The following PRPF39 variants were observed in gnomAD, a reference collection of about 807,000 sequenced individuals.
The protein encoded by PRPF39 is pre-mRNA processing factor 39.
In PRPF39, 27 loss-of-function variants were observed where a neutral mutation model predicts 82.1. The ratio of observed to expected loss-of-function variants is 0.33; its 90% CI spans 0.24 to 0.45. PRPF39 has a LOEUF of 0.45. Among genes scored for constraint, PRPF39 ranks in the 20% least tolerant of loss-of-function variants. The pLI is 1.00. For synonymous variants in PRPF39, 261 were observed against 256.4 expected, an observed-to-expected ratio of 1.02 and a Z score of -0.17; for missense variants, 581 against 796.9, an observed-to-expected ratio of 0.73 and a Z score of 3.26.
intron 5 of PRPF39, 118 bp from the exon 6 acceptor site, chr14:45,107,333 T>C: frequency 2.8e-6 from 2 of 714,404 alleles, no homozygotes; most frequent in Non-Finnish European, 4.4e-6. Context: ...AGAAAAGGTA[T>C]GATATTTTGG....
intron 1 of PRPF39, among the ~76,000 whole-genome samples, chr14:45,093,291 T>G (rs955164773): frequency 2.0e-5 from 3 of 150,828 alleles, no homozygotes; most frequent in East Asian, 2.0e-4. Flanking sequence ...GGCACGATCT[T>G]GGCTCACTGC....
intron 1 of PRPF39, among the ~76,000 whole-genome samples, chr14:45,091,220 C>T (rs186544171): frequency 6.6e-6 from 1 of 152,242 alleles, no homozygotes; most frequent in African/African-American, 2.4e-5. Context: ...TTCACTGCAG[C>T]CTTGAACTAC....
chr14:45,112,562 G>T, intron 11 of PRPF39, 60 bp downstream of exon 11: 1 of 1,372,004 alleles, frequency 7.3e-7, no homozygotes, highest in South Asian at 1.8e-5. Context: ...TTTTTGTATG[G>T]GGATTTGATG....
At chr14:45,096,559 A>C in intron 3 of PRPF39, 1 of 1,433,750 alleles carries the variant, frequency 7.0e-7, no homozygotes, top group Non-Finnish European at 9.3e-7. Flanking sequence ...TTGGTTTGCT[A>C]GTCACATTTG....
At chr14:45,087,568 T>TG (rs1566688757) in intron 1 of PRPF39, among the ~76,000 whole-genome samples, 2 of 149,840 alleles carry the variant, frequency 1.3e-5, no homozygotes, top group East Asian at 1.9e-4. Context: ...GACTGTTTTT[T>TG]TTTTGTTTTG....
chr14:45,087,841 C>T lies in PRPF39; in HGVS notation c.-20+3592C>T, dbSNP rs191745958. On this transcript the variant is annotated intron_variant, in intron 1 of 13. Transcript: ENST00000355765. ...TGACCTCATGATCCGCCCGCCTCAG[C>T]CTCCCAAAGTGCTGGGATTACAGGC... Among the ~76,000 whole-genome samples the T allele has an allele frequency of 2.9e-3, 445 of 150,940 alleles. 3 individuals carry two copies. Among genetic ancestry groups the T allele is most frequent in the Non-Finnish European group, 4.6e-3 (314 of 67,634 alleles).
intron 11 of PRPF39, 131 bp downstream of exon 11, chr14:45,112,633 A>G: frequency 1.1e-6 from 1 of 928,658 alleles, no homozygotes; most frequent in South Asian, 3.3e-5. Context: ...CTTTTTCCTC[A>G]GATATATATG....
Position 45,116,273 on chromosome 14 carries a change from C to T in PRPF39, c.*1360C>T. The T allele has an allele frequency of 4.4e-6, 7 of 1,606,006 alleles. No individual in the cohort carries two copies. The highest frequency in any genetic ancestry group is 6.0e-6 in the Non-Finnish European group (7 of 1,173,022). The stretch of plus-strand genomic sequence containing the variant: ...GAATTCTGTTGAAGAAGTCAAGGTA[C>T]ATTTGATAAAAAGTGCCTCTCCCCT... On this transcript the variant is annotated 3_prime_UTR_variant, in exon 14 of 14. Transcript: ENST00000355765.
intron 4 of PRPF39, among the ~76,000 whole-genome samples, chr14:45,098,464 AG>A: frequency 1.5e-5 from 2 of 137,410 alleles, no homozygotes; most frequent in East Asian, 2.5e-4. Context: ...AAAAAAAAAG[AG>A]AGAGAGATCA....
At position 45,110,413 on chromosome 14, in the gene PRPF39, A is replaced by C. The variant is rs1378603229; in HGVS notation, c.1304-136A>C. 1.7e-6 allele frequency: 2 copies of C among 1,201,128 alleles called. No individual in the cohort carries two copies. Among genetic ancestry groups the C allele is most frequent in the Admixed American group, 5.1e-5 (2 of 39,022 alleles). 74.4% of individuals were successfully genotyped at this position (1,201,128 alleles called of 1,614,324 possible). A position where few individuals can be genotyped will look rare whatever the true frequency, so the allele number is the denominator to read the frequency against. ...TTGTAGCCCCGAAACAGCCATAGGC[A>C]GTGTGTAAATATGCATGGCTGTTTC... On this transcript the variant is annotated intron_variant, in intron 9 of 13. Transcript: ENST00000355765. The surrounding 1 kb of genome is among the most constrained non-coding windows in gnomAD (Gnocchi z 4.0).
intron 13 of PRPF39, 111 bp downstream of exon 13, chr14:45,114,725 G>T: frequency 1.4e-6 from 2 of 1,404,586 alleles, no homozygotes; most frequent in Non-Finnish European, 1.9e-6. Context: ...TACATTCTTT[G>T]GTGGTTAAGT....
At chr14:45,107,328 AG>A in intron 5 of PRPF39, 122 bp from the exon 6 acceptor site, 1 of 686,886 alleles carries the variant, frequency 1.5e-6, no homozygotes, top group East Asian at 2.9e-5. Context: ...GAAGGAGAAA[AG>A]GTATGATATT....
chr14:45,085,373 G>A, intron 1 of PRPF39, among the ~76,000 whole-genome samples: 1 of 152,288 alleles, frequency 6.6e-6, no homozygotes, highest in South Asian at 2.1e-4. Context: ...GGTGGTATGA[G>A]ACACTATTTG....
chr14:45,110,654 A>G lies in PRPF39; in HGVS notation c.1409A>G (p.Asn470Ser), dbSNP rs1364676839. ...GTAAGTTTAGAACGACGGCATGGAA[A>G]TCTGGAAGAAGCTGAACATTTGCTT... Reference protein sequence around the residue: ...RRVSLERRHGNLEEAEHLLQD... With the variant: ...RRVSLERRHGSLEEAEHLLQD... Residue 470 changes from asparagine to serine, a missense_variant, in exon 10 of 14, where the codon AAT becomes AGT. Transcript: ENST00000355765. The surrounding 1 kb of genome is among the most constrained non-coding windows in gnomAD (Gnocchi z 4.0). 6.3e-7 allele frequency: 1 copy of G among 1,576,734 alleles called. No individual in the cohort carries two copies. The highest frequency in any genetic ancestry group is 8.6e-7 in the Non-Finnish European group (1 of 1,159,702).
chr14:45,084,649 C>A (rs1462280214), intron 1 of PRPF39, among the ~76,000 whole-genome samples: 1 of 152,114 alleles, frequency 6.6e-6, no homozygotes, highest in Non-Finnish European at 1.5e-5. Context: ...AATATACGTT[C>A]TATTACTAAG....
chr14:45,109,472 A>G (rs1884638200), intron 7 of PRPF39, 144 bp from the exon 8 acceptor site: 1 of 676,848 alleles, frequency 1.5e-6, no homozygotes. Flanking sequence ...TTAAGGGTTA[A>G]TTTTAAAAGT....
rs935262427 is a variant in PRPF39, at chr14:45,110,932, A to G, written c.1572+115A>G. ...TCTGTATGTAATAGATTTTATTACTAAATGAGGACAACAGTCCCTCTAAAC... is the reference window on the plus strand; with the variant it reads ...TCTGTATGTAATAGATTTTATTACTGAATGAGGACAACAGTCCCTCTAAAC... On this transcript the variant is annotated intron_variant, in intron 10 of 13. Coordinates refer to ENST00000355765, the MANE Select transcript of PRPF39 (RefSeq NM_017922.4). This position sits in a 1 kb window ranked among gnomAD's most constrained non-coding sequence, Gnocchi z 4.0. 6.4e-5 allele frequency: 66 copies of G among 1,026,344 alleles called. No homozygotes were observed. The highest frequency in any genetic ancestry group is 7.8e-5 in the Non-Finnish European group (56 of 721,716). 63.6% of individuals were successfully genotyped at this position (1,026,344 alleles called of 1,614,324 possible). A position where few individuals can be genotyped will look rare whatever the true frequency, so the allele number is the denominator to read the frequency against.
rs114454225 is a variant in PRPF39 at position 45,089,330 on chromosome 14, C to T, written c.-20+5081C>T. The stretch of plus-strand genomic sequence containing the variant: ...TTTTGCACGTGGATATCCAGTTTTC[C>T]AAGCACCATTTGAAGAGACGATCCC... On this transcript the variant is annotated intron_variant, in intron 1 of 13. Transcript: ENST00000355765. Among the ~76,000 whole-genome samples the T allele has an allele frequency of 3.9e-3, 594 of 152,300 alleles. 11 individuals carry two copies. Among genetic ancestry groups the T allele is most frequent in the African/African-American group, 0.014 (572 of 41,556 alleles).
chr14:45,115,873 A>C lies in PRPF39; in HGVS notation c.*960A>C. 1 of 230,156 alleles carries C rather than the reference A, an allele frequency of 4.3e-6. No individual in the cohort carries two copies. Among genetic ancestry groups the C allele is most frequent in the Non-Finnish European group, 8.9e-6 (1 of 112,766 alleles). The allele number at this position is 230,156 out of a possible 1,614,324, so 14.3% of individuals were successfully genotyped here. ...CCAATTCCCTAATCAGAACAATAATATATTAACACCAAACAAATCACAGTC... is the reference window on the plus strand; with the variant it reads ...CCAATTCCCTAATCAGAACAATAATCTATTAACACCAAACAAATCACAGTC... On this transcript the variant is annotated 3_prime_UTR_variant, in exon 14 of 14. Transcript: ENST00000355765.
Sources: gnomAD v4.1 joint callset for allele counts (sites outside exome capture counted in the v4.1 genomes callset) on GRCh38, gnomAD v4.1.1 for gene constraint, Gnocchi (gnomAD v3.1) non-coding constraint, MANE v1.5 for transcripts, NCBI Gene and HGNC (gene_info 2026-07-23, HGNC 2026-07-21) for gene names.